TRPM6: variants seen among roughly 807,000 people sequenced by gnomAD.
The protein encoded by TRPM6 is transient receptor potential cation channel subfamily M member 6, also known as channel kinase 2.
Under a neutral mutation model 247.6 loss-of-function variants are expected in TRPM6, and 111 were observed. The ratio of observed to expected loss-of-function variants is 0.45; its 90% CI spans 0.38 to 0.52. The LOEUF is 0.52. Ranked by LOEUF, TRPM6 falls within the 20% of genes least tolerant of loss-of-function variation. The pLI is 0.00. For missense variants in TRPM6, 2,126 were observed against 2,421.5 expected (o/e 0.88, Z 2.56); for synonymous variants, 892 against 853.8 (o/e 1.04, Z -0.78).
At position 74,750,721 on chromosome 9, in the gene TRPM6, T is replaced by C. The variant is rs755788833; in HGVS notation, c.5000A>G (p.Asp1667Gly). Residue 1667 changes from aspartate to glycine, a missense_variant and splice_region_variant, in exon 30 of 39, where the codon GAT (aspartate) becomes GGT (glycine). By Grantham distance (94) the Asp-to-Gly change is moderately conservative (BLOSUM62 -1). Transcript: ENST00000360774. Reference protein sequence around the residue: ...ISDYLKQSQEDLSKNSLWNSR... With the variant: ...ISDYLKQSQEGLSKNSLWNSR... ...ATTCCACAAAGAGTTTTTGCTGAGATCCTGAGCAGAAGGGAAAGGCCGTTA... is the reference window on the plus strand; with the variant it reads ...ATTCCACAAAGAGTTTTTGCTGAGACCCTGAGCAGAAGGGAAAGGCCGTTA... 6.2e-7 allele frequency: 1 copy of C among 1,613,880 alleles called. No individual in the cohort carries two copies. The highest frequency in any genetic ancestry group is 1.1e-5 in the South Asian group (1 of 91,090).
At chr9:74,866,843 T>C (rs1564058200) in intron 1 of TRPM6, among the ~76,000 whole-genome samples, 1 of 152,212 alleles carries the variant, frequency 6.6e-6, no homozygotes, top group Admixed American at 6.5e-5. Context: ...GATCCTTTCA[T>C]AATCATAAAA....
intron 32 of TRPM6, 88 bp from the exon 33 acceptor site, chr9:74,742,714 TG>T (rs1825904086): frequency 8.9e-7 from 1 of 1,117,402 alleles, no homozygotes; most frequent in Admixed American, 1.8e-5. Flanking sequence ...ATTCATATAA[TG>T]CTATTTAATT....
At chr9:74,770,450 C>T (rs62569674) in intron 25 of TRPM6, among the ~76,000 whole-genome samples, 2 of 152,148 alleles carry the variant, frequency 1.3e-5, no homozygotes, top group Non-Finnish European at 2.9e-5. Context: ...TCACACGATG[C>T]CATGCACCCA....
chr9:74,756,437 C>G (rs1404102668), intron 27 of TRPM6, among the ~76,000 whole-genome samples: 1 of 151,876 alleles, frequency 6.6e-6, no homozygotes, highest in Non-Finnish European at 1.5e-5. Flanking sequence ...TCTAAAACTT[C>G]CAAACGAAAT....
intron 38 of TRPM6, among the ~76,000 whole-genome samples, chr9:74,725,674 T>C (rs1825294506): frequency 6.6e-6 from 1 of 152,224 alleles, no homozygotes; most frequent in South Asian, 2.1e-4. Context: ...CTTTGCCTGC[T>C]GCCATCCAGG....
intron 3 of TRPM6, among the ~76,000 whole-genome samples, chr9:74,842,593 C>A (rs1829980326): frequency 6.6e-6 from 1 of 152,070 alleles, no homozygotes. Flanking sequence ...ACCTTGGAGA[C>A]ATTGAAAGTT....
chr9:74,725,182 AG>A (rs1825274642), intron 38 of TRPM6, among the ~76,000 whole-genome samples: 2 of 152,172 alleles, frequency 1.3e-5, no homozygotes, highest in South Asian at 4.1e-4. Flanking sequence ...AGCCAATAAA[AG>A]CTCCATCCAG....
rs180793721 is a variant in TRPM6 at position 74,861,279 on chromosome 9, C to T, written c.34-2531G>A. Among the ~76,000 whole-genome samples, 3 of 152,276 alleles carry T rather than the reference C, an allele frequency of 2.0e-5. No individual in the cohort carries two copies. The East Asian group carries it at 5.8e-4, about 29-fold the overall frequency. The stretch of plus-strand genomic sequence containing the variant: ...TTTGAATAGGCCCCCACGCTGCATG[C>T]TGGGACTTCTATTGCAAACGAGACA... On this transcript the variant is annotated intron_variant, in intron 1 of 38. Transcript: ENST00000360774.
chr9:74,842,522 T>A (rs1249770730), intron 3 of TRPM6, among the ~76,000 whole-genome samples, 179 bp from the exon 4 acceptor site: 1 of 152,224 alleles, frequency 6.6e-6, no homozygotes, highest in Non-Finnish European at 1.5e-5. Context: ...TATTAGTGGT[T>A]CTCTCTCTTG....
chr9:74,774,269 G>C lies in TRPM6; in HGVS notation c.3403+1614C>G, dbSNP rs968711701. 5.3e-5 allele frequency among the ~76,000 whole-genome samples: 8 copies of C among 152,230 alleles called. No homozygotes were observed. The East Asian group carries it at 1.5e-3, about 29-fold the overall frequency. On this transcript the variant is annotated intron_variant, in intron 24 of 38. Coordinates refer to ENST00000360774, the MANE Select transcript of TRPM6 (RefSeq NM_017662.5). ...GGAAACGTTCTTTCATGTGGTACTAGGAAGTCTGGGCAAATCCTAGTCAAT... is the reference window on the plus strand; with the variant it reads ...GGAAACGTTCTTTCATGTGGTACTACGAAGTCTGGGCAAATCCTAGTCAAT...
In TRPM6 at chr9:74,776,082, A is replaced by G; in HGVS notation, c.3210-6T>C. 3 of 1,609,308 alleles carry G rather than the reference A, an allele frequency of 1.9e-6. No individual in the cohort carries two copies. Among genetic ancestry groups the G allele is most frequent in the Non-Finnish European group, 2.6e-6 (3 of 1,175,700 alleles). On this transcript the variant is annotated splice_region_variant and splice_polypyrimidine_tract_variant and intron_variant, in intron 23 of 38. Coordinates refer to ENST00000360774, the MANE Select transcript of TRPM6 (RefSeq NM_017662.5). Reference sequence around the variant, plus strand: ...CCATATCTAAGTAAACGTTGCTGTAAGATGAAGTAAGAGAGGGACAATGTT... The same window carrying G: ...CCATATCTAAGTAAACGTTGCTGTAGGATGAAGTAAGAGAGGGACAATGTT...
intron 30 of TRPM6, among the ~76,000 whole-genome samples, chr9:74,748,538 C>G (rs1457079169): frequency 6.6e-6 from 1 of 152,028 alleles, no homozygotes; most frequent in Non-Finnish European, 1.5e-5. Context: ...TATTGATGAT[C>G]CTGATCCTGT....
At chr9:74,813,458 C>G (rs1025973601) in intron 11 of TRPM6, among the ~76,000 whole-genome samples, 1 of 152,182 alleles carries the variant, frequency 6.6e-6, no homozygotes, top group African/African-American at 2.4e-5. Context: ...CATCTTTCCC[C>G]TTTGAGTCCC....
intron 5 of TRPM6, among the ~76,000 whole-genome samples, chr9:74,835,526 C>T (rs570490725): frequency 7.2e-5 from 11 of 152,102 alleles, no homozygotes; most frequent in African/African-American, 2.2e-4. Context: ...TGTTAATGTT[C>T]GCCCTTCTGG....
At chr9:74,837,174 C>T (rs886923845) in intron 5 of TRPM6, among the ~76,000 whole-genome samples, 2 of 152,162 alleles carry the variant, frequency 1.3e-5, no homozygotes, top group Non-Finnish European at 2.9e-5. Context: ...AAGATTCATG[C>T]GAAATTATGT....
chr9:74,805,495 C>G (rs936895422), intron 14 of TRPM6, among the ~76,000 whole-genome samples: 1 of 152,194 alleles, frequency 6.6e-6, no homozygotes, highest in African/African-American at 2.4e-5. Context: ...TCAGACAATG[C>G]TACTCCAGAA....
At chr9:74,854,651 C>G (rs1334300235) in intron 3 of TRPM6, among the ~76,000 whole-genome samples, 2 of 152,004 alleles carry the variant, frequency 1.3e-5, no homozygotes, top group African/African-American at 4.8e-5. Context: ...ACTGAGGGTT[C>G]CAATTTTTTA....
intron 31 of TRPM6, among the ~76,000 whole-genome samples, chr9:74,747,245 ATTTGTTT>A (rs1738365330): frequency 1.3e-5 from 2 of 152,184 alleles, no homozygotes; most frequent in African/African-American, 4.8e-5. Context: ...GAAAAAGACT[ATTTGTTT>A]CCTTTGTATA....
At chr9:74,885,948 GA>G (rs1831516404) in intron 1 of TRPM6, among the ~76,000 whole-genome samples, 1 of 151,950 alleles carries the variant, frequency 6.6e-6, no homozygotes, top group Middle Eastern at 3.2e-3. Flanking sequence ...GAAAAAGAAG[GA>G]AAAAGAGAGA....
Sources: gnomAD v4.1 joint callset for allele counts (sites outside exome capture counted in the v4.1 genomes callset) on GRCh38, gnomAD v4.1.1 for gene constraint, MANE v1.5 for transcripts, NCBI Gene and HGNC (gene_info 2026-07-23, HGNC 2026-07-21) for gene names.